PRKDC: variants seen among roughly 807,000 people sequenced by gnomAD.
PRKDC encodes protein kinase, DNA-activated, catalytic subunit, also known as DNA-dependent protein kinase catalytic subunit.
A neutral mutation model predicts 486.9 loss-of-function variants in PRKDC; 82 were observed. The observed-to-expected ratio is 0.17, with a 90% CI of 0.14 to 0.20. The LOEUF is 0.20. Ranked by LOEUF, PRKDC falls within the 10% of genes least tolerant of loss-of-function variation. The pLI is 1.00. For missense variants in PRKDC, 4,504 were observed against 5,038.2 expected, an observed-to-expected ratio of 0.89 and a Z score of 3.21; for synonymous variants, 1,895 against 1,837.0, an observed-to-expected ratio of 1.03 and a Z score of -0.81.
chr8:47,830,267 T>C (rs2087832512), intron 61 of PRKDC, among the ~76,000 whole-genome samples: 1 of 152,258 alleles, frequency 6.6e-6, no homozygotes, highest in Non-Finnish European at 1.5e-5. Context: ...GGTTTCCATG[T>C]CTACAATCCA....
chr8:47,800,965 T>C lies in PRKDC; in HGVS notation c.9944A>G (p.Tyr3315Cys). Residue 3315 changes from tyrosine (Y) to cysteine (C), a missense_variant, in exon 71 of 86, where the codon TAC becomes TGC. Tyr to Cys is a radical substitution (Grantham distance 194, BLOSUM62 -2). This residue lies in a region of PRKDC where 1,592 missense variants were observed against 1,724.6 expected (regional missense o/e 0.92). Transcript: ENST00000314191. ...GAAAGCCAGAATATTTTTGCTTAAG[T>C]AGCTTGACACGTTGTTCTCATCTGT... ...SLLDENNVSS[Y>C]LSKNILAFRD... The C allele has an allele frequency of 6.2e-7, 1 of 1,613,946 alleles. No homozygotes were observed.
At chr8:47,860,532 C>T (rs1013907392) in intron 45 of PRKDC, among the ~76,000 whole-genome samples, 10 of 152,080 alleles carry the variant, frequency 6.6e-5, no homozygotes, top group Admixed American at 3.9e-4. Context: ...AAGAGTGGCT[C>T]GAAAGGACTT....
At chr8:47,959,305 T>C (rs2090769679) in intron 1 of PRKDC, 1 of 152,206 alleles carries the variant, frequency 6.6e-6, no homozygotes, top group Non-Finnish European at 1.5e-5. Context: ...ATTTCTTCAA[T>C]TTTTCTCAAA....
chr8:47,891,547 C>G (rs13251871), intron 31 of PRKDC, among the ~76,000 whole-genome samples: 19,983 of 151,698 alleles, frequency 0.13, 2,142 homozygotes, highest in African/African-American at 0.27. Context: ...AGTGAAACCC[C>G]GTCTCTACTA....
intron 4 of PRKDC, among the ~76,000 whole-genome samples, chr8:47,955,152 T>A (rs2090680787): frequency 1.4e-5 from 2 of 147,044 alleles, no homozygotes; most frequent in South Asian, 4.3e-4. Context: ...AGACTCTGTC[T>A]CAAAAAAAGA....
intron 17 of PRKDC, among the ~76,000 whole-genome samples, 188 bp downstream of exon 17, chr8:47,930,484 G>A (rs1028494598): frequency 1.3e-5 from 2 of 152,128 alleles, no homozygotes; most frequent in African/African-American, 4.8e-5. Flanking sequence ...ATGTTAGCCA[G>A]GATAGTCTTG....
At chr8:47,949,182 T>C (rs528810615) in intron 7 of PRKDC, among the ~76,000 whole-genome samples, 4 of 152,312 alleles carry the variant, frequency 2.6e-5, no homozygotes, top group Admixed American at 2.6e-4. Context: ...TTAAGGACCC[T>C]GTGATCACAC....
chr8:47,882,367 A>C (rs1336609430), intron 36 of PRKDC, among the ~76,000 whole-genome samples: 1 of 152,196 alleles, frequency 6.6e-6, no homozygotes, highest in Non-Finnish European at 1.5e-5. Context: ...AAAAGGAGTC[A>C]GCTCTCTTCT....
chr8:47,860,760 C>A, intron 45 of PRKDC, 139 bp downstream of exon 45: 1 of 603,288 alleles, frequency 1.7e-6, no homozygotes, highest in Non-Finnish European at 2.8e-6. Flanking sequence ...TTTTCAAAGT[C>A]AATTTCAATG....
chr8:47,936,615 T>G, intron 11 of PRKDC, 98 bp from the exon 12 acceptor site: 1 of 1,394,000 alleles, frequency 7.2e-7, no homozygotes, highest in Non-Finnish European at 9.7e-7. Context: ...AACACAAGTT[T>G]AACAAGGCTT....
At chr8:47,783,898 G>C in intron 77 of PRKDC, 89 bp from the exon 78 acceptor site, 6 of 1,284,718 alleles carry the variant, frequency 4.7e-6, no homozygotes, top group Non-Finnish European at 6.8e-6. Context: ...TTTTTAAAAA[G>C]CCAATCTAAC....
Position 47,887,668 on chromosome 8 carries a change from A to G in PRKDC, c.4451T>C (p.Leu1484Pro). Residue 1484 changes from leucine to proline, a missense_variant, in exon 35 of 86, where the codon CTT becomes CCT. Physicochemically the swap from Leu to Pro is moderately conservative, Grantham distance 98. This residue lies in a region of PRKDC where 1,969 missense variants were observed against 2,068.9 expected (regional missense o/e 0.95). Transcript: ENST00000314191. The stretch of plus-strand genomic sequence containing the variant: ...GGCAATGCCTTTATAAACCAGGGAA[A>G]GAAGTTCTGTGCCAACAGAATGATG... ...DLHHSVGTEL[L>P]SLVYKGIAPG... 7 of 1,610,538 alleles carry G rather than the reference A, an allele frequency of 4.3e-6. No individual in the cohort carries two copies. The highest frequency in any genetic ancestry group is 5.9e-6 in the Non-Finnish European group (7 of 1,178,474).
intron 76 of PRKDC, among the ~76,000 whole-genome samples, chr8:47,786,605 A>G (rs2086795190): frequency 6.6e-6 from 1 of 152,188 alleles, no homozygotes; most frequent in African/African-American, 2.4e-5. Context: ...CAATAGAAAT[A>G]AATGGCTCAT....
At chr8:47,808,782 T>C (rs1016931946) in intron 68 of PRKDC, among the ~76,000 whole-genome samples, 2 of 152,142 alleles carry the variant, frequency 1.3e-5, no homozygotes, top group Admixed American at 1.3e-4. Flanking sequence ...ATTTCTGTTG[T>C]TTTTCCAGGA....
intron 1 of PRKDC, among the ~76,000 whole-genome samples, chr8:47,958,760 G>A (rs1469081664): frequency 6.7e-6 from 1 of 149,628 alleles, no homozygotes; most frequent in African/African-American, 2.5e-5. Context: ...TTTTGGGACG[G>A]AGTCGTGCTC....
At chr8:47,796,102 C>A (rs1390325788) in intron 73 of PRKDC, among the ~76,000 whole-genome samples, 1 of 151,284 alleles carries the variant, frequency 6.6e-6, no homozygotes, top group Non-Finnish European at 1.5e-5. Context: ...ACTGTGTTAG[C>A]CAGGATGGTC....
At chr8:47,874,495 C>T (rs1366469138) in intron 40 of PRKDC, among the ~76,000 whole-genome samples, 4 of 152,166 alleles carry the variant, frequency 2.6e-5, no homozygotes, top group South Asian at 2.1e-4. Flanking sequence ...CTGTGGCTCA[C>T]GCCTGTAATC....
chr8:47,819,690 A>C (rs1040519179), intron 66 of PRKDC, among the ~76,000 whole-genome samples, 180 bp from the exon 67 acceptor site: 5 of 152,036 alleles, frequency 3.3e-5, no homozygotes, highest in Admixed American at 2.6e-4. Flanking sequence ...TTAAATTTTA[A>C]AAAAAAATTT....
intron 36 of PRKDC, among the ~76,000 whole-genome samples, chr8:47,882,455 T>C (rs1219666207): frequency 6.6e-6 from 1 of 151,588 alleles, no homozygotes; most frequent in Non-Finnish European, 1.5e-5. Context: ...TATGCACATA[T>C]GCACAAATGC....
Sources: allele counts gnomAD v4.1 joint callset (sites outside exome capture counted in the v4.1 genomes callset), GRCh38; gene constraint gnomAD v4.1.1; regional missense constraint gnomAD v4.1.1; transcripts MANE v1.5; gene names NCBI Gene and HGNC (gene_info 2026-07-23, HGNC 2026-07-21).